The following IL1RAPL1 variants were observed in gnomAD, a reference collection of about 807,000 sequenced individuals.
IL1RAPL1 encodes the protein interleukin 1 receptor accessory protein like 1, also known as interleukin-1 receptor accessory protein-like 1.
A neutral mutation model predicts 48.4 loss-of-function variants in IL1RAPL1; 3 were observed. The observed-to-expected ratio is 0.06, with a 90% confidence interval of 0.03 to 0.16. IL1RAPL1 has a LOEUF of 0.16. IL1RAPL1 is among the 10% of genes least tolerant of loss of function. The probability of loss-of-function intolerance (pLI) is 1.00; values close to 1 mark genes in which losing one functional copy is unlikely to be tolerated. For synonymous variants in IL1RAPL1, 185 were observed against 187.7 expected (o/e 0.99, Z 0.12); for missense variants, 349 against 530.6 (o/e 0.66, Z 3.36).
chrX:29,617,356 T>C (rs1361004069), intron 5 of IL1RAPL1, among the ~76,000 whole-genome samples: 1 of 110,401 alleles, frequency 9.1e-6, no homozygotes, highest in African/African-American at 3.3e-5. Context: ...CAAAACTAAG[T>C]GAGCCAAGAT....
rs1048002891 is a variant in IL1RAPL1 at position 28,848,169 on chromosome X, G to C, written c.82+58744G>C. Among the ~76,000 whole-genome samples, 3 of 110,580 alleles carry C rather than the reference G, an allele frequency of 2.7e-5. No homozygotes were observed. The Admixed American group carries it at 2.9e-4, about 11-fold the overall frequency. On this transcript the variant is annotated intron_variant, in intron 2 of 10. Coordinates refer to ENST00000378993, the MANE Select transcript of IL1RAPL1 (RefSeq NM_014271.4). ...TCACACACTGGGACCTGTCGGGGAT[G>C]GGGGGAAAGGGGAGGGAGAGCATTA... is the stretch of plus-strand genomic sequence containing the variant.
intron 1 of IL1RAPL1, among the ~76,000 whole-genome samples, chrX:28,776,714 T>TACTCTAAATAGACAACAATAGC (rs1235954382): frequency 8.9e-6 from 1 of 111,843 alleles, no homozygotes; most frequent in Non-Finnish European, 1.9e-5. Flanking sequence ...TTGGGAAAGA[T>TACTCTAAATAGACAACAATAGC]ACTCTAAATA....
At chrX:29,932,664 A>G (rs761492590) in intron 8 of IL1RAPL1, among the ~76,000 whole-genome samples, 127 of 111,171 alleles carry the variant, frequency 1.1e-3, no homozygotes, top group African/African-American at 3.9e-3. Flanking sequence ...AAATACCCCA[A>G]CTGAATTTCT....
chrX:29,256,683 C>T (rs1251665927), intron 2 of IL1RAPL1, among the ~76,000 whole-genome samples: 1 of 111,073 alleles, frequency 9.0e-6, no homozygotes, highest in Non-Finnish European at 1.9e-5. Flanking sequence ...CCGAGATCAC[C>T]GTCAGTTTCA....
At chrX:28,617,833 T>C (rs994656784) in intron 1 of IL1RAPL1, among the ~76,000 whole-genome samples, 2 of 112,038 alleles carry the variant, frequency 1.8e-5, no homozygotes, top group Non-Finnish European at 3.8e-5. Flanking sequence ...TTTTTTCCAG[T>C]CTTGAAATTT....
At chrX:29,667,925 G>T (rs1926043151) in intron 5 of IL1RAPL1, among the ~76,000 whole-genome samples, 1 of 111,655 alleles carries the variant, frequency 9.0e-6, no homozygotes, top group Non-Finnish European at 1.9e-5. Flanking sequence ...GATTATGTAT[G>T]TAGGAAATAC....
chrX:28,827,607 A>G (rs1440117984), intron 2 of IL1RAPL1, among the ~76,000 whole-genome samples: 7 of 111,810 alleles, frequency 6.3e-5, no homozygotes. Flanking sequence ...GAGGATCTAT[A>G]TTACGTGGTA....
At chrX:29,896,484 C>T (rs965372418) in intron 6 of IL1RAPL1, among the ~76,000 whole-genome samples, 1 of 111,989 alleles carries the variant, frequency 8.9e-6, no homozygotes, top group Non-Finnish European at 1.9e-5. Context: ...TGTGTGTATA[C>T]ACATACATAT....
chrX:29,098,392 C>T (rs1216278100), intron 2 of IL1RAPL1, among the ~76,000 whole-genome samples: 2 of 111,876 alleles, frequency 1.8e-5, no homozygotes, highest in African/African-American at 3.3e-5. Context: ...TCCATGGTTA[C>T]CCTGTTCACC....
At chrX:29,908,371 C>CAA (rs1179659537) in intron 6 of IL1RAPL1, among the ~76,000 whole-genome samples, 5 of 79,110 alleles carry the variant, frequency 6.3e-5, no homozygotes, top group African/African-American at 3.3e-4. Context: ...GACCCCATTT[C>CAA]AAAAATATAT....
intron 5 of IL1RAPL1, among the ~76,000 whole-genome samples, chrX:29,472,906 G>C (rs1221433970): frequency 8.9e-6 from 1 of 111,978 alleles, no homozygotes; most frequent in Non-Finnish European, 1.9e-5. Context: ...TATGTCTAAA[G>C]CCAGCCAGAC....
chrX:29,188,483 A>T (rs180859422), intron 2 of IL1RAPL1, among the ~76,000 whole-genome samples: 179 of 111,700 alleles, frequency 1.6e-3, no homozygotes, highest in African/African-American at 5.5e-3. Flanking sequence ...GGCTGAAATA[A>T]ATAGGATTGC....
intron 2 of IL1RAPL1, among the ~76,000 whole-genome samples, chrX:28,888,650 G>C (rs1922701289): frequency 9.1e-6 from 1 of 110,434 alleles, no homozygotes; most frequent in Non-Finnish European, 1.9e-5. Flanking sequence ...CAGCTATGTA[G>C]TGCTATCCAT....
chrX:29,447,444 T>C (rs1934626132), intron 5 of IL1RAPL1, among the ~76,000 whole-genome samples: 1 of 111,944 alleles, frequency 8.9e-6, no homozygotes, highest in Non-Finnish European at 1.9e-5. Flanking sequence ...ACAATTGATA[T>C]ATGTATTATA....
At chrX:29,741,091 T>C (rs1485091417) in intron 6 of IL1RAPL1, among the ~76,000 whole-genome samples, 1 of 112,545 alleles carries the variant, frequency 8.9e-6, no homozygotes, top group East Asian at 2.8e-4. Flanking sequence ...TAGTCTTATA[T>C]CTGTGTTACA....
chrX:28,807,214 ACCCTT>A (rs1012892289), intron 2 of IL1RAPL1, among the ~76,000 whole-genome samples: 1 of 111,135 alleles, frequency 9.0e-6, no homozygotes, highest in African/African-American at 3.3e-5. Flanking sequence ...TTCCATATAG[ACCCTT>A]CCCAAACTCT....
At position 29,479,414 on chromosome X, in the gene IL1RAPL1, C is replaced by CAAAAAAAAAAAAAAAAA. The variant is rs3069570; in HGVS notation, c.703+80107_703+80123dup. Among the ~76,000 whole-genome samples the CAAAAAAAAAAAAAAAAA allele has an allele frequency of 1.0e-3, 44 of 42,485 alleles. 6 individuals carry two copies. The highest frequency in any genetic ancestry group is 2.6e-3 in the African/African-American group (27 of 10,390). The allele number at this position is 42,485 out of a possible 115,157, so 36.9% of individuals were successfully genotyped here. ...TGGGTGACAGAGCGAGACCCTGTCTCAAAAAAAAAAAAAAAAATTAGCATT... is the reference window on the plus strand; with the variant it reads ...TGGGTGACAGAGCGAGACCCTGTCTCAAAAAAAAAAAAAAAAAAAAAAAAAAAAAAAAAATTAGCATT... On this transcript the variant is annotated intron_variant, in intron 5 of 10. Transcript: ENST00000378993.
intron 5 of IL1RAPL1, among the ~76,000 whole-genome samples, chrX:29,610,782 C>T (rs1031498075): frequency 8.9e-5 from 10 of 112,298 alleles, no homozygotes; most frequent in Non-Finnish European, 1.5e-4. Context: ...GTGCAGGAGC[C>T]GGGGCAAGCA....
intron 2 of IL1RAPL1, among the ~76,000 whole-genome samples, chrX:29,000,188 A>G (rs1213623833): frequency 9.0e-6 from 1 of 111,591 alleles, no homozygotes; most frequent in Non-Finnish European, 1.9e-5. Context: ...TCCTCCGCCA[A>G]TGTTTTTACC....
Sources: gnomAD v4.1 joint callset for allele counts (sites outside exome capture counted in the v4.1 genomes callset) on GRCh38, gnomAD v4.1.1 for gene constraint, MANE v1.5 for transcripts, NCBI Gene and HGNC (gene_info 2026-07-23, HGNC 2026-07-21) for gene names.